Variants in ELAVL3 observed in about 807,000 individuals in gnomAD.
ELAVL3 encodes ELAV like RNA binding protein 3.
Under a neutral mutation model 34.2 loss-of-function variants are expected in ELAVL3, and 8 were observed. The ratio of observed to expected loss-of-function variants is 0.23; its 90% CI spans 0.14 to 0.42. The LOEUF (loss-of-function observed/expected upper bound fraction) is 0.42. Among genes scored for constraint, ELAVL3 ranks in the 10% least tolerant of loss-of-function variants. The probability of loss-of-function intolerance (pLI) is 1.00; values close to 1 mark genes in which losing one functional copy is unlikely to be tolerated. For synonymous variants in ELAVL3, 209 were observed against 222.1 expected (o/e 0.94, Z 0.53); for missense variants, 273 against 518.8 (o/e 0.53, Z 4.60).
In ELAVL3 at chr19:11,470,184, G is replaced by T. The variant is rs183119195; in HGVS notation, c.10-3357C>A. Among the ~76,000 whole-genome samples, 423 of 151,904 alleles carry T rather than the reference G, an allele frequency of 2.8e-3. 1 individual carries two copies. The highest frequency in any genetic ancestry group is 9.4e-3 in the African/African-American group (388 of 41,414). On this transcript the variant is annotated intron_variant, in intron 1 of 6. Coordinates refer to ENST00000359227, the MANE Select transcript of ELAVL3 (RefSeq NM_001420.4). ...AGCCTGGCCAATATGGTGAAACCCC[G>T]CCTCTACTAAAAATACCACAATTAG...
At chr19:11,476,799 T>C (rs981355727) in intron 1 of ELAVL3, among the ~76,000 whole-genome samples, 13 of 152,016 alleles carry the variant, frequency 8.6e-5, no homozygotes, top group African/African-American at 2.9e-4. Flanking sequence ...CTCGAGAGGC[T>C]GAGGCAGGAG....
Position 11,466,472 on chromosome 19 carries a change from C to T in ELAVL3, c.229+136G>A, listed in dbSNP as rs1971054565. On this transcript the variant is annotated intron_variant, in intron 2 of 6. Coordinates refer to ENST00000359227, the MANE Select transcript of ELAVL3 (RefSeq NM_001420.4). This position sits in a 1 kb window ranked among gnomAD's most constrained non-coding sequence, Gnocchi z 5.0. ...CTAGGGGGTATACCCATCTCCCCAT[C>T]AGACCTCACATCCCTAGACCACCTC... 1.8e-6 allele frequency: 2 copies of T among 1,101,556 alleles called. No homozygotes were observed. Among genetic ancestry groups the T allele is most frequent in the South Asian group, 2.9e-5 (2 of 70,126 alleles). 68.2% of individuals were successfully genotyped at this position (1,101,556 alleles called of 1,614,324 possible).
chr19:11,470,184 G>A (rs183119195), intron 1 of ELAVL3, among the ~76,000 whole-genome samples: 2 of 151,784 alleles, frequency 1.3e-5, no homozygotes, highest in Non-Finnish European at 2.9e-5. Flanking sequence ...GTGAAACCCC[G>A]CCTCTACTAA....
intron 1 of ELAVL3, among the ~76,000 whole-genome samples, chr19:11,467,740 T>C (rs906331236): frequency 3.9e-5 from 6 of 151,932 alleles, no homozygotes; most frequent in Non-Finnish European, 4.4e-5. Flanking sequence ...CACCTCCGCC[T>C]CCCAATGTGC....
intron 1 of ELAVL3, among the ~76,000 whole-genome samples, chr19:11,478,959 G>A (rs1971314966): frequency 6.6e-6 from 1 of 152,058 alleles, no homozygotes; most frequent in South Asian, 2.1e-4. Context: ...TCAATGCAGG[G>A]TCCTCCTGGT....
rs536399063 is a variant in ELAVL3, at chr19:11,458,636, G to A, written c.334-25C>T. 1 of 1,611,852 alleles carries A rather than the reference G, an allele frequency of 6.2e-7. No individual in the cohort carries two copies. Among genetic ancestry groups the A allele is most frequent in the African/African-American group, 1.3e-5 (1 of 75,070 alleles). On this transcript the variant is annotated intron_variant, in intron 3 of 6. Transcript: ENST00000359227. The surrounding 1 kb of genome is among the most constrained non-coding windows in gnomAD (Gnocchi z 7.3). ...CCTGGGTGAGGGGGTCAGATGGACAGGGGTGAGGCAGAGACCCATTTCACA... is the reference window on the plus strand; with the variant it reads ...CCTGGGTGAGGGGGTCAGATGGACAAGGGTGAGGCAGAGACCCATTTCACA...
At chr19:11,464,697 TACACCAC>T (rs2144891931) in intron 3 of ELAVL3, among the ~76,000 whole-genome samples, 1 of 74,250 alleles carries the variant, frequency 1.3e-5, no homozygotes, top group East Asian at 4.4e-4. Context: ...CCCACACACA[TACACCAC>T]ACACACCACA....
rs539242008 is a variant in ELAVL3 at position 11,480,513 on chromosome 19, C to CT, written c.9+86_9+87insA. The CT allele has an allele frequency of 3.5e-4, 499 of 1,407,258 alleles. 3 individuals are homozygous for CT. The African/African-American group carries it at 6.7e-3, about 19-fold the overall frequency. 87.2% of individuals were successfully genotyped at this position (1,407,258 alleles called of 1,614,324 possible). A position where few individuals can be genotyped will look rare whatever the true frequency, so the allele number is the denominator to read the frequency against. ...GGCCTAGCTAGGCCTGGTCCTACCC[C>CT]CCCCGCCGCACCCGCCCAATCTCCG... On this transcript the variant is annotated intron_variant, in intron 1 of 6. Transcript: ENST00000359227. The surrounding 1 kb of genome is among the most constrained non-coding windows in gnomAD (Gnocchi z 6.8).
At chr19:11,456,506 T>A (rs1017615443) in intron 6 of ELAVL3, among the ~76,000 whole-genome samples, 39 of 151,402 alleles carry the variant, frequency 2.6e-4, no homozygotes, top group African/African-American at 4.6e-4. Flanking sequence ...TTTAATTATT[T>A]TTTTTTTTTT....
At chr19:11,477,106 A>C (rs1173347956) in intron 1 of ELAVL3, among the ~76,000 whole-genome samples, 4 of 152,032 alleles carry the variant, frequency 2.6e-5, no homozygotes, top group African/African-American at 4.8e-5. Flanking sequence ...AATTCAATTC[A>C]ACAAATATTT....
At chr19:11,478,290 G>A (rs1971300555) in intron 1 of ELAVL3, among the ~76,000 whole-genome samples, 1 of 152,168 alleles carries the variant, frequency 6.6e-6, no homozygotes, top group Admixed American at 6.6e-5. Context: ...GGCCTAGCCT[G>A]CTAATCTGGC....
chr19:11,465,226 C>G (rs1034013140), intron 3 of ELAVL3, among the ~76,000 whole-genome samples: 2 of 133,132 alleles, frequency 1.5e-5, no homozygotes, highest in Non-Finnish European at 3.3e-5. Context: ...ACACCACACA[C>G]ATACACACCG....
At position 11,454,453 on chromosome 19, in the gene ELAVL3, C is replaced by CTCTCTCTCTCTCTCTT. The variant is rs1880990036; in HGVS notation, c.*57_*72dup. 2 of 1,282,020 alleles carry CTCTCTCTCTCTCTCTT rather than the reference C, an allele frequency of 1.6e-6. No individual in the cohort carries two copies. The highest frequency in any genetic ancestry group is 2.1e-6 in the Non-Finnish European group (2 of 956,192). The allele number at this position is 1,282,020 out of a possible 1,614,324, so 79.4% of individuals were successfully genotyped here. A position where few individuals can be genotyped will look rare whatever the true frequency, so the allele number is the denominator to read the frequency against. On this transcript the variant is annotated 3_prime_UTR_variant, in exon 7 of 7. Coordinates refer to ENST00000359227, the MANE Select transcript of ELAVL3 (RefSeq NM_001420.4). This position sits in a 1 kb window ranked among gnomAD's most constrained non-coding sequence, Gnocchi z 9.2. The stretch of plus-strand genomic sequence containing the variant: ...GTGCTGTCTCTCTTGGGCCCCTTCT[C>CTCTCTCTCTCTCTCTT]TCTCTCTCTCTCTCTTTCTCTCTCT...
chr19:11,467,283 G>A (rs149955860), intron 1 of ELAVL3, among the ~76,000 whole-genome samples: 6 of 151,626 alleles, frequency 4.0e-5, no homozygotes, highest in African/African-American at 1.2e-4. Context: ...TTAGCCGGGC[G>A]TGGTGGCGCA....
rs1970723148 is a variant in ELAVL3, at chr19:11,454,451, C to T, written c.*75G>A. ...CTGTGCTGTCTCTCTTGGGCCCCTT[C>T]TCTCTCTCTCTCTCTCTTTCTCTCT... On this transcript the variant is annotated 3_prime_UTR_variant, in exon 7 of 7. Transcript: ENST00000359227. The surrounding 1 kb of genome is among the most constrained non-coding windows in gnomAD (Gnocchi z 9.2). 1 of 636,532 alleles carries T rather than the reference C, an allele frequency of 1.6e-6. No homozygotes were observed. The highest frequency in any genetic ancestry group is 2.2e-6 in the Non-Finnish European group (1 of 454,660). 39.4% of individuals were successfully genotyped at this position (636,532 alleles called of 1,614,324 possible).
Position 11,458,063 on chromosome 19 carries a change from G to A in ELAVL3, c.711C>T (p.Phe237=). Residue 237 remains phenylalanine (F), a splice_region_variant and synonymous_variant, in exon 5 of 7, where the codon TTC becomes TTT. Transcript: ENST00000359227. This position sits in a 1 kb window ranked among gnomAD's most constrained non-coding sequence, Gnocchi z 7.3. The part of the protein sequence containing the change: ...AGPLHHQTQR[F]RLDNLLNMAY... ...CATCTGGCTGGCAGGGGGCTCACCG[G>A]AAACGCTGGGTCTGATGGTGTAGGG... The A allele has an allele frequency of 1.9e-6, 3 of 1,611,728 alleles. No homozygotes were observed. Among genetic ancestry groups the A allele is most frequent in the Middle Eastern group, 3.6e-4 (2 of 5,594 alleles).
chr19:11,469,644 G>A (rs1369836791), intron 1 of ELAVL3, among the ~76,000 whole-genome samples: 3 of 152,188 alleles, frequency 2.0e-5, no homozygotes, highest in Non-Finnish European at 1.5e-5. Context: ...CATGCATATT[G>A]CAGTTTTGTT....
intron 1 of ELAVL3, among the ~76,000 whole-genome samples, chr19:11,468,236 C>T (rs1971095329): frequency 6.6e-6 from 1 of 152,158 alleles, no homozygotes; most frequent in African/African-American, 2.4e-5. Flanking sequence ...CTGCCTTCAT[C>T]TCCCCTTGCC....
In ELAVL3 at chr19:11,458,809, T is replaced by TG. The variant is rs1263532462; in HGVS notation, c.334-199dup. On this transcript the variant is annotated intron_variant, in intron 3 of 6. Coordinates refer to ENST00000359227, the MANE Select transcript of ELAVL3 (RefSeq NM_001420.4). This position sits in a 1 kb window ranked among gnomAD's most constrained non-coding sequence, Gnocchi z 7.3. The stretch of plus-strand genomic sequence containing the variant: ...GGACATGGCAGTGGCTGTAACAACT[T>TG]GGACTGCCTGTATAGAGTGATGGGG... Among the ~76,000 whole-genome samples the TG allele has an allele frequency of 6.6e-6, 1 of 152,104 alleles. No individual in the cohort carries two copies. Among genetic ancestry groups the TG allele is most frequent in the Non-Finnish European group, 1.5e-5 (1 of 67,994 alleles).
Sources: gnomAD v4.1 joint callset for allele counts (sites outside exome capture counted in the v4.1 genomes callset) on GRCh38, gnomAD v4.1.1 for gene constraint, Gnocchi (gnomAD v3.1) non-coding constraint, MANE v1.5 for transcripts, NCBI Gene and HGNC (gene_info 2026-07-23, HGNC 2026-07-21) for gene names.